COL5A3: variants seen among roughly 807,000 people sequenced by gnomAD.
COL5A3 encodes collagen alpha-3(V) chain.
Under a neutral mutation model 250.0 loss-of-function variants are expected in COL5A3, and 172 were observed. The ratio of observed to expected loss-of-function variants is 0.69; its 90% CI spans 0.61 to 0.78. The LOEUF (loss-of-function observed/expected upper bound fraction) is 0.78, where lower values mean the gene tolerates loss of function less well. COL5A3 is among the 30% of genes least tolerant of loss of function. The pLI, the probability that COL5A3 is intolerant of heterozygous loss-of-function variation, is 0.00. For missense variants in COL5A3, 2,340 were observed against 2,334.4 expected (o/e 1.00, Z -0.05); for synonymous variants, 937 against 900.4 (o/e 1.04, Z -0.73).
At chr19:9,986,676 G>A in intron 28 of COL5A3, 38 bp downstream of exon 28, 2 of 1,613,586 alleles carry the variant, frequency 1.2e-6, no homozygotes, top group African/African-American at 2.7e-5. Context: ...CCCATGATTG[G>A]GACTCCCTCT....
chr19:9,986,795 C>T lies in COL5A3; in HGVS notation c.2146-37G>A, dbSNP rs2087107693. ...AAAAAAAAAGCTCTCAAGCCTCTTCCCTGCTTAAGAAGTGACCCAGACTCA... is the reference window on the plus strand; with the variant it reads ...AAAAAAAAAGCTCTCAAGCCTCTTCTCTGCTTAAGAAGTGACCCAGACTCA... On this transcript the variant is annotated intron_variant, in intron 27 of 66. Transcript: ENST00000264828. 1.9e-6 allele frequency: 3 copies of T among 1,610,270 alleles called. No homozygotes were observed. The South Asian group carries it at 3.3e-5, about 18-fold the overall frequency.
In COL5A3 at chr19:10,005,652, G is replaced by A. The variant is rs2087430941; in HGVS notation, c.500C>T (p.Ala167Val). The A allele has an allele frequency of 6.8e-6, 11 of 1,614,060 alleles. No individual in the cohort carries two copies. The highest frequency in any genetic ancestry group is 8.5e-6 in the Non-Finnish European group (10 of 1,179,958). ...EMVTLVADCE[A>V]QPPVLGHGPR... ...GCCATGGCCCAAAACAGGGGGCTGA[G>A]CTTCACAGTCAGCTACCAGGGTCAC... Residue 167 changes from alanine to valine, a missense_variant, in exon 4 of 67, where the codon GCT (alanine) becomes GTT (valine). This residue lies in a region of COL5A3 where 1,152 missense variants were observed against 1,146.3 expected (regional missense o/e 1.00). Coordinates refer to ENST00000264828, the MANE Select transcript of COL5A3 (RefSeq NM_015719.4).
chr19:10,010,254 C>G, intron 1 of COL5A3, 44 bp downstream of exon 1: 1 of 1,271,986 alleles, frequency 7.9e-7, no homozygotes, highest in Middle Eastern at 2.4e-4. Context: ...TAGAGCCTCT[C>G]TGAGTCGTGG....
chr19:10,003,808 G>A (rs1320304598), intron 5 of COL5A3, 94 bp from the exon 6 acceptor site: 7 of 1,516,012 alleles, frequency 4.6e-6, no homozygotes. Flanking sequence ...ATGGCCCGTG[G>A]GTCCTCACTC....
At chr19:9,986,921 C>T (rs1441894695) in intron 27 of COL5A3, among the ~76,000 whole-genome samples, 163 bp from the exon 28 acceptor site, 1 of 152,146 alleles carries the variant, frequency 6.6e-6, no homozygotes, top group East Asian at 1.9e-4. Context: ...GAGGCCCCTC[C>T]CTCCCCACTG....
chr19:9,960,382 C>T lies in COL5A3; in HGVS notation c.*29G>A. The T allele has an allele frequency of 6.2e-7, 1 of 1,613,306 alleles. No individual in the cohort carries two copies. The highest frequency in any genetic ancestry group is 2.2e-5 in the East Asian group (1 of 44,856). ...CCAAATGCACCCCATTCTGGGGCTC[C>T]CTCATGGTCCCTCCCACCCCGGACA... On this transcript the variant is annotated 3_prime_UTR_variant, in exon 67 of 67. Coordinates refer to ENST00000264828, the MANE Select transcript of COL5A3 (RefSeq NM_015719.4).
chr19:9,969,967 G>A (rs761014078), intron 54 of COL5A3, 45 bp from the exon 55 acceptor site: 1 of 1,569,374 alleles, frequency 6.4e-7, no homozygotes, highest in Non-Finnish European at 8.8e-7. Flanking sequence ...GCTGACTGAG[G>A]GTCAGAGGGG....
At position 9,967,359 on chromosome 19, in the gene COL5A3, T is replaced by C; in HGVS notation, c.4446A>G (p.Pro1482=). The C allele has an allele frequency of 6.9e-7, 1 of 1,447,160 alleles. No homozygotes were observed. Among genetic ancestry groups the C allele is most frequent in the Non-Finnish European group, 9.0e-7 (1 of 1,106,138 alleles). 89.6% of individuals were successfully genotyped at this position (1,447,160 alleles called of 1,614,324 possible). A position where few individuals can be genotyped will look rare whatever the true frequency, so the allele number is the denominator to read the frequency against. ...GPRGDTGPAG[P]PGPPGAPAEL... The stretch of plus-strand genomic sequence containing the variant: ...CCGGGGAACTCACCGGGGGGCCTGG[T>C]GGGCCTGCAGGTCCAGTGTCTCCAC... Residue 1482 remains proline, a synonymous_variant, in exon 62 of 67, where the codon CCA becomes CCG. Transcript: ENST00000264828.
intron 16 of COL5A3, among the ~76,000 whole-genome samples, chr19:9,994,256 T>C (rs866396660): frequency 6.6e-6 from 1 of 151,326 alleles, no homozygotes; most frequent in African/African-American, 2.4e-5. Flanking sequence ...CATGGCTCAA[T>C]GCAGCTTCGA....
At chr19:9,974,147 C>T in intron 47 of COL5A3, 24 bp downstream of exon 47, 1 of 1,610,582 alleles carries the variant, frequency 6.2e-7, no homozygotes, top group Non-Finnish European at 8.5e-7. Context: ...CCTCCCCCTC[C>T]CACCTTCCTC....
chr19:9,965,870 G>A (rs1314570987), intron 64 of COL5A3, among the ~76,000 whole-genome samples: 1 of 152,100 alleles, frequency 6.6e-6, no homozygotes, highest in Non-Finnish European at 1.5e-5. Context: ...GACTTGCTCT[G>A]TCTCCCAGGC....
At chr19:10,006,050 C>T in intron 2 of COL5A3, 23 bp downstream of exon 2, 1 of 1,612,476 alleles carries the variant, frequency 6.2e-7, no homozygotes, top group Non-Finnish European at 8.5e-7. Flanking sequence ...GGGGAGGTAC[C>T]CAGGCCTCCT....
In COL5A3 at chr19:9,996,441, G is replaced by C; in HGVS notation, c.1414C>G (p.Gln472Glu). The C allele has an allele frequency of 6.2e-7, 1 of 1,613,898 alleles. No homozygotes were observed. The highest frequency in any genetic ancestry group is 8.5e-7 in the Non-Finnish European group (1 of 1,179,950). Residue 472 changes from glutamine (Q) to glutamate (E), a missense_variant, in exon 13 of 67, where the codon CAG becomes GAG. This residue lies in a region of COL5A3 where 1,152 missense variants were observed against 1,146.3 expected (regional missense o/e 1.00). Coordinates refer to ENST00000264828, the MANE Select transcript of COL5A3 (RefSeq NM_015719.4). ...QQAQAQAVLQQTQLSMKGPPG... is the reference protein window; with the variant it reads ...QQAQAQAVLQETQLSMKGPPG... The stretch of plus-strand genomic sequence containing the variant: ...CCACACCTCCCACTCACCTGAGTCT[G>C]CTGCAGAACTGCCTGAGCCTGGGCC...
chr19:9,989,100 C>T, intron 27 of COL5A3, 24 bp downstream of exon 27: 1 of 1,612,530 alleles, frequency 6.2e-7, no homozygotes, highest in Non-Finnish European at 8.5e-7. Context: ...GTAAATCACT[C>T]ATACCTGCAA....
In COL5A3 at chr19:9,971,897, T is replaced by C. The variant is rs560612779; in HGVS notation, c.3775-639A>G. Among the ~76,000 whole-genome samples, 29 of 117,248 alleles carry C rather than the reference T, an allele frequency of 2.5e-4. 1 individual carries two copies. The highest frequency in any genetic ancestry group is 5.1e-4 in the Non-Finnish European group (28 of 54,856). The allele number at this position is 117,248 out of a possible 152,430, so 76.9% of individuals were successfully genotyped here. Reference sequence around the variant, plus strand: ...TTACTCACTAATTCAAGTGTTAGAATGATCTGCCATGAAATCAACTTTCTT... The same window carrying C: ...TTACTCACTAATTCAAGTGTTAGAACGATCTGCCATGAAATCAACTTTCTT... On this transcript the variant is annotated intron_variant, in intron 51 of 66. Transcript: ENST00000264828.
chr19:9,978,422 C>T (rs1259890404), intron 41 of COL5A3, 152 bp downstream of exon 41: 3 of 618,574 alleles, frequency 4.8e-6, no homozygotes, highest in Non-Finnish European at 8.8e-6. Flanking sequence ...CGGGGTTCCA[C>T]CATGTTGGCC....
intron 45 of COL5A3, among the ~76,000 whole-genome samples, chr19:9,976,323 T>C (rs1186260673): frequency 6.6e-6 from 1 of 151,898 alleles, no homozygotes; most frequent in Non-Finnish European, 1.5e-5. Context: ...TGGGTTGGGA[T>C]TGAATCAGAT....
chr19:9,999,598 G>C (rs2087328181), intron 8 of COL5A3, among the ~76,000 whole-genome samples: 1 of 150,594 alleles, frequency 6.6e-6, no homozygotes, highest in Non-Finnish European at 1.5e-5. Flanking sequence ...CCGAGAAGCT[G>C]GGACTACAGG....
chr19:9,968,136 TC>T lies in COL5A3; in HGVS notation c.4315-58del. On this transcript the variant is annotated intron_variant, in intron 59 of 66. Transcript: ENST00000264828. The surrounding 1 kb of genome is among the most constrained non-coding windows in gnomAD (Gnocchi z 4.1). ...GGGTACACCCTATTGCCCTGACACA[TC>T]CCCCAGACAAGCCTTCAATCCTACC... The T allele has an allele frequency of 6.8e-7, 1 of 1,480,664 alleles. No individual in the cohort carries two copies. Among genetic ancestry groups the T allele is most frequent in the Non-Finnish European group, 9.2e-7 (1 of 1,086,082 alleles). 91.7% of individuals were successfully genotyped at this position (1,480,664 alleles called of 1,614,324 possible). A position where few individuals can be genotyped will look rare whatever the true frequency, so the allele number is the denominator to read the frequency against.
Sources: gnomAD v4.1 joint callset for allele counts (sites outside exome capture counted in the v4.1 genomes callset) on GRCh38, gnomAD v4.1.1 for gene constraint, gnomAD v4.1.1 regional missense constraint, Gnocchi (gnomAD v3.1) non-coding constraint, MANE v1.5 for transcripts, NCBI Gene and HGNC (gene_info 2026-07-23, HGNC 2026-07-21) for gene names.